Variants in CNTNAP2 observed in about 807,000 individuals in gnomAD.
CNTNAP2 encodes contactin-associated protein-like 2.
A neutral mutation model predicts 155.2 loss-of-function variants in CNTNAP2; 98 were observed. The observed-to-expected ratio is 0.63, with a 90% confidence interval of 0.54 to 0.75. The LOEUF (loss-of-function observed/expected upper bound fraction) is 0.75, where lower values mean the gene tolerates loss of function less well. Among genes scored for constraint, CNTNAP2 ranks in the 30% least tolerant of loss-of-function variants. The pLI is 0.00. For missense variants in CNTNAP2, 1,727 were observed against 1,688.1 expected (o/e 1.02, Z -0.40); for synonymous variants, 651 against 631.2 (o/e 1.03, Z -0.47).
intron 1 of CNTNAP2, among the ~76,000 whole-genome samples, chr7:146,691,851 G>A (rs1494445): frequency 0.048 from 7,268 of 152,096 alleles, 304 homozygotes; most frequent in East Asian, 0.11. Context: ...GTTCAGAGAT[G>A]TATAAAATGG....
chr7:148,370,697 G>A (rs1030250072), intron 21 of CNTNAP2, among the ~76,000 whole-genome samples: 7 of 151,762 alleles, frequency 4.6e-5, no homozygotes, highest in African/African-American at 1.7e-4. Flanking sequence ...TGACATCCAG[G>A]ATTGAACTCA....
At position 147,565,244 on chromosome 7, in the gene CNTNAP2, G is replaced by C. The variant is rs549914583; in HGVS notation, c.1897+2987G>C. Among the ~76,000 whole-genome samples, 15 of 152,172 alleles carry C rather than the reference G, an allele frequency of 9.9e-5. No homozygotes were observed. In the East Asian group the frequency reaches 2.5e-3, roughly 26 times the overall value. On this transcript the variant is annotated intron_variant, in intron 12 of 23. Transcript: ENST00000361727. Reference sequence around the variant, plus strand: ...ACAAGAGAGATTGGCTTATTCCAAAGAACTGAAATCCCAGTGGCTGGAACA... The same window carrying C: ...ACAAGAGAGATTGGCTTATTCCAAACAACTGAAATCCCAGTGGCTGGAACA...
intron 11 of CNTNAP2, among the ~76,000 whole-genome samples, chr7:147,521,764 C>T (rs1799232908): frequency 6.6e-6 from 1 of 152,150 alleles, no homozygotes; most frequent in Non-Finnish European, 1.5e-5. Context: ...TAAAGTCCCT[C>T]TGTGTGGAAA....
chr7:147,245,081 T>A (rs75076107), intron 8 of CNTNAP2, among the ~76,000 whole-genome samples: 2,436 of 152,136 alleles, frequency 0.016, 47 homozygotes, highest in Non-Finnish European at 0.022. Context: ...GAGGTTTAAT[T>A]TTGCAACTTC....
chr7:146,279,185 T>C (rs747255244), intron 1 of CNTNAP2, among the ~76,000 whole-genome samples: 2 of 152,174 alleles, frequency 1.3e-5, no homozygotes, highest in African/African-American at 4.8e-5. Context: ...AAACCACCTC[T>C]GTACCTAACC....
intron 21 of CNTNAP2, among the ~76,000 whole-genome samples, chr7:148,354,136 G>A (rs1322049102): frequency 6.7e-6 from 1 of 148,990 alleles, no homozygotes; most frequent in Non-Finnish European, 1.5e-5. Context: ...CCAAAGCTTT[G>A]GTAGCAAGTC....
chr7:147,346,695 C>T (rs1156600514), intron 9 of CNTNAP2, among the ~76,000 whole-genome samples: 1 of 152,220 alleles, frequency 6.6e-6, no homozygotes, highest in African/African-American at 2.4e-5. Context: ...ACAATTTACA[C>T]AGCAAATTTT....
chr7:147,189,316 A>G (rs1398931727), intron 8 of CNTNAP2, among the ~76,000 whole-genome samples: 2 of 152,192 alleles, frequency 1.3e-5, no homozygotes, highest in African/African-American at 4.8e-5. Flanking sequence ...TCCACATGAC[A>G]TCTACAAGGC....
At chr7:146,421,216 C>G (rs985814517) in intron 1 of CNTNAP2, among the ~76,000 whole-genome samples, 4 of 151,968 alleles carry the variant, frequency 2.6e-5, no homozygotes, top group Admixed American at 2.6e-4. Flanking sequence ...GACCATATTT[C>G]TCTCTTAACA....
intron 9 of CNTNAP2, among the ~76,000 whole-genome samples, chr7:147,365,383 G>GAAA (rs10557373): frequency 1.2e-4 from 11 of 93,636 alleles, no homozygotes; most frequent in African/African-American, 1.3e-4. Flanking sequence ...ATCTCAAAAA[G>GAAA]AAAAAAAAAA....
At chr7:148,203,304 G>T (rs1795395282) in intron 18 of CNTNAP2, among the ~76,000 whole-genome samples, 1 of 152,142 alleles carries the variant, frequency 6.6e-6, no homozygotes, top group Non-Finnish European at 1.5e-5. Context: ...GCTAGGAGTT[G>T]GGTTGTACTC....
intron 1 of CNTNAP2, among the ~76,000 whole-genome samples, chr7:146,463,665 G>C (rs1796672478): frequency 6.6e-6 from 1 of 151,718 alleles, no homozygotes; most frequent in Admixed American, 6.6e-5. Context: ...ATACATATGT[G>C]CATGTATGCA....
intron 1 of CNTNAP2, among the ~76,000 whole-genome samples, chr7:146,485,501 C>T (rs1434355521): frequency 1.3e-5 from 2 of 152,180 alleles, no homozygotes; most frequent in Non-Finnish European, 2.9e-5. Flanking sequence ...GGATTTGACC[C>T]AGATGGGTCT....
At chr7:147,985,460 T>C (rs1359574209) in intron 15 of CNTNAP2, among the ~76,000 whole-genome samples, 3 of 134,730 alleles carry the variant, frequency 2.2e-5, no homozygotes, top group African/African-American at 8.2e-5. Context: ...GAAGATTCCA[T>C]TGGCTCTTAC....
intron 3 of CNTNAP2, among the ~76,000 whole-genome samples, chr7:146,902,698 C>T (rs1054867353): frequency 6.6e-6 from 1 of 152,180 alleles, no homozygotes; most frequent in African/African-American, 2.4e-5. Flanking sequence ...AACCTAGTCT[C>T]TTCTGGTTAA....
chr7:147,272,654 C>A (rs1285257029), intron 8 of CNTNAP2, among the ~76,000 whole-genome samples: 2 of 143,260 alleles, frequency 1.4e-5, no homozygotes, highest in African/African-American at 5.0e-5. Flanking sequence ...GCCGCCACCA[C>A]GCCCGGCTAA....
chr7:148,395,164 TTTCTC>T (rs1799441234), intron 22 of CNTNAP2, among the ~76,000 whole-genome samples: 1 of 151,108 alleles, frequency 6.6e-6, no homozygotes, highest in African/African-American at 2.4e-5. Context: ...TTTTTTTTCT[TTTCTC>T]AAAGAACCAG....
chr7:147,755,293 G>C (rs887194311), intron 13 of CNTNAP2, among the ~76,000 whole-genome samples: 5 of 152,164 alleles, frequency 3.3e-5, no homozygotes, highest in African/African-American at 1.2e-4. Context: ...AAACAAAAAA[G>C]CATATTCCTA....
At chr7:147,567,674 GA>G (rs992452346) in intron 12 of CNTNAP2, among the ~76,000 whole-genome samples, 48 of 152,124 alleles carry the variant, frequency 3.2e-4, no homozygotes, top group African/African-American at 1.1e-3. Flanking sequence ...AGGAGCAGAG[GA>G]AAACTAGGAA....
Sources: gnomAD v4.1 joint callset for allele counts (sites outside exome capture counted in the v4.1 genomes callset) on GRCh38, gnomAD v4.1.1 for gene constraint, MANE v1.5 for transcripts, NCBI Gene and HGNC (gene_info 2026-07-23, HGNC 2026-07-21) for gene names.